The following ASB9 variants were observed in gnomAD, a reference collection of about 807,000 sequenced individuals.
ASB9 encodes the protein ankyrin repeat and SOCS box containing 9.
In ASB9, 5 loss-of-function variants were observed where a neutral mutation model predicts 16.6. The ratio of observed to expected loss-of-function variants is 0.30; its 90% CI spans 0.16 to 0.63. The LOEUF (loss-of-function observed/expected upper bound fraction) is 0.63, where lower values mean the gene tolerates loss of function less well. ASB9 is among the 30% of genes least tolerant of loss of function. ASB9 has a pLI of 0.82. For synonymous variants in ASB9, 100 were observed against 86.4 expected, an observed-to-expected ratio of 1.16 and a Z score of -0.87; for missense variants, 216 against 229.4, an observed-to-expected ratio of 0.94 and a Z score of 0.38.
At chrX:15,254,593 G>A (rs914436173) in intron 3 of ASB9, 144 bp downstream of exon 3, 2 of 503,242 alleles carry the variant, frequency 4.0e-6, no homozygotes, top group Non-Finnish European at 7.0e-6. Context: ...AAGCAAACAA[G>A]CCTGATGAAC....
chrX:15,267,113 C>T (rs1232163302), intron 1 of ASB9, among the ~76,000 whole-genome samples: 1 of 113,111 alleles, frequency 8.8e-6, no homozygotes, highest in Non-Finnish European at 1.9e-5. Context: ...ATATATTTAT[C>T]GGCCGGGCAC....
chrX:15,254,646 T>A, intron 3 of ASB9, 91 bp downstream of exon 3: 1 of 659,916 alleles, frequency 1.5e-6, no homozygotes, highest in Non-Finnish European at 2.4e-6. Context: ...TTCAAATCAG[T>A]CTAATCAAAA....
chrX:15,269,224 T>C (rs1765570583), intron 1 of ASB9, among the ~76,000 whole-genome samples: 1 of 112,164 alleles, frequency 8.9e-6, no homozygotes, highest in African/African-American at 3.2e-5. Flanking sequence ...ACCTGCTGAA[T>C]GCTCACCGAA....
At position 15,250,213 on chromosome X, in the gene ASB9, C is replaced by A. The variant is rs73635068; in HGVS notation, c.568+217G>T. On this transcript the variant is annotated intron_variant, in intron 5 of 6. Transcript: ENST00000380488. The stretch of plus-strand genomic sequence containing the variant: ...AGGCATCATCATCATCATCATCCTC[C>A]TCCTCCTCCTCCTCCTCCTCATCCT... Among the ~76,000 whole-genome samples the A allele has an allele frequency of 3.5e-3, 289 of 83,118 alleles. 1 individual carries two copies. Among genetic ancestry groups the A allele is most frequent in the African/African-American group, 0.017 (239 of 14,358 alleles). 72.2% of individuals were successfully genotyped at this position (83,118 alleles called of 115,157 possible).
chrX:15,250,145 A>G (rs191559490), intron 5 of ASB9, among the ~76,000 whole-genome samples: 27 of 110,995 alleles, frequency 2.4e-4, no homozygotes, highest in Non-Finnish European at 3.6e-4. Flanking sequence ...AGACAGAGGA[A>G]AGGGAGGAGA....
At chrX:15,249,536 C>T (rs1322086569) in intron 5 of ASB9, among the ~76,000 whole-genome samples, 1 of 112,632 alleles carries the variant, frequency 8.9e-6, no homozygotes, top group East Asian at 2.8e-4. Context: ...ACACTCTTAA[C>T]AAATCCCCAC....
chrX:15,262,942 TTTTTCTAACATTC>T (rs1926094255), intron 1 of ASB9, among the ~76,000 whole-genome samples: 1 of 112,557 alleles, frequency 8.9e-6, no homozygotes, highest in Non-Finnish European at 1.9e-5. Flanking sequence ...TAGTTTAACA[TTTTTCTAACATTC>T]AGAGAGCATA....
chrX:15,246,373 G>C (rs1924668166), intron 6 of ASB9, among the ~76,000 whole-genome samples: 1 of 112,219 alleles, frequency 8.9e-6, no homozygotes, highest in Admixed American at 9.4e-5. Flanking sequence ...ATATTCAAGG[G>C]GTTTGCTTTG....
intron 3 of ASB9, among the ~76,000 whole-genome samples, chrX:15,252,755 A>T (rs945723186): frequency 8.9e-6 from 1 of 112,358 alleles, no homozygotes; most frequent in East Asian, 2.8e-4. Flanking sequence ...GTGCAAGAAG[A>T]TTACTCTTGC....
intron 1 of ASB9, among the ~76,000 whole-genome samples, chrX:15,261,480 T>C (rs1166432233): frequency 9.0e-6 from 1 of 111,691 alleles, no homozygotes; most frequent in Non-Finnish European, 1.9e-5. Flanking sequence ...GGCAGGTAGA[T>C]TGCATCCTAA....
intron 4 of ASB9, among the ~76,000 whole-genome samples, chrX:15,250,954 C>G (rs1036750948): frequency 1.8e-5 from 2 of 111,744 alleles, no homozygotes; most frequent in African/African-American, 6.5e-5. Flanking sequence ...ATCTCCTGAC[C>G]TCGTGGTCCG....
At chrX:15,265,772 G>C (rs1240511063) in intron 1 of ASB9, among the ~76,000 whole-genome samples, 1 of 109,853 alleles carries the variant, frequency 9.1e-6, no homozygotes, top group Non-Finnish European at 1.9e-5. Flanking sequence ...AAGTAGCTGG[G>C]ACTACAGGCA....
At chrX:15,246,123 G>A (rs777825657) in intron 6 of ASB9, among the ~76,000 whole-genome samples, 9 of 112,109 alleles carry the variant, frequency 8.0e-5, no homozygotes, top group Non-Finnish European at 1.1e-4. Context: ...AACGCTGTCA[G>A]AGGCAACCGT....
At position 15,248,925 on chromosome X, in the gene ASB9, C is replaced by A; in HGVS notation, c.579G>T (p.Val193=). 8.4e-7 allele frequency: 1 copy of A among 1,189,593 alleles called. No individual in the cohort carries two copies. The highest frequency in any genetic ancestry group is 1.1e-6 in the Non-Finnish European group (1 of 882,829). ...VKKLLESGAD[V]NQGKGQDSPL... ...GGGAATCCTGACCTTTCCCTTGGTT[C>A]ACGTCCGCTCCTAAACAGTCACGAG... Residue 193 remains valine (V), a synonymous_variant, in exon 6 of 7, where the codon GTG becomes GTT. Transcript: ENST00000380488.
chrX:15,250,374 T>C, intron 5 of ASB9, 56 bp downstream of exon 5: 4 of 1,158,067 alleles, frequency 3.5e-6, no homozygotes, highest in Middle Eastern at 2.5e-4. Context: ...ATGTTTAAAA[T>C]ACATTTAATT....
chrX:15,267,425 T>TTTAAAAAAAA (rs377056337), intron 1 of ASB9, among the ~76,000 whole-genome samples: 1 of 87,675 alleles, frequency 1.1e-5, no homozygotes. Flanking sequence ...AAAATATATA[T>TTTAAAAAAAA]ATATATATAA....
intron 5 of ASB9, among the ~76,000 whole-genome samples, chrX:15,250,152 G>T (rs767040552): frequency 9.1e-6 from 1 of 110,153 alleles, no homozygotes; most frequent in Admixed American, 9.7e-5. Flanking sequence ...GGAAAGGGAG[G>T]AGAAACTAAT....
At chrX:15,248,214 G>A (rs774907208) in intron 6 of ASB9, among the ~76,000 whole-genome samples, 2 of 111,896 alleles carry the variant, frequency 1.8e-5, no homozygotes, top group East Asian at 5.6e-4. Flanking sequence ...TTCGAGTTGG[G>A]AGTCTCAGTT....
chrX:15,257,863 A>T (rs1925702236), intron 2 of ASB9, among the ~76,000 whole-genome samples: 1 of 112,114 alleles, frequency 8.9e-6, no homozygotes, highest in Non-Finnish European at 1.9e-5. Flanking sequence ...TGTGACATGA[A>T]CAGATTGGAA....
Sources: gnomAD v4.1 joint callset for allele counts (sites outside exome capture counted in the v4.1 genomes callset) on GRCh38, gnomAD v4.1.1 for gene constraint, MANE v1.5 for transcripts, NCBI Gene and HGNC (gene_info 2026-07-23, HGNC 2026-07-21) for gene names.